The following MOB4 variants were observed in gnomAD, a reference collection of about 807,000 sequenced individuals.
The protein encoded by MOB4 is MOB family member 4, phocein, also known as MOB-like protein phocein.
A neutral mutation model predicts 32.2 loss-of-function variants in MOB4; 4 were observed. The ratio of observed to expected loss-of-function variants is 0.12; its 90% CI spans 0.06 to 0.28. The LOEUF (loss-of-function observed/expected upper bound fraction) is 0.28. Among genes scored for constraint, MOB4 ranks in the 10% least tolerant of loss-of-function variants. The pLI is 1.00. For missense variants in MOB4, 158 were observed against 271.2 expected, an observed-to-expected ratio of 0.58 and a Z score of 2.93; for synonymous variants, 88 against 88.1, an observed-to-expected ratio of 1.00 and a Z score of 0.01.
rs534749841 is a variant in MOB4, at chr2:197,547,636, G to A, written c.355-700G>A. On this transcript the variant is annotated intron_variant, in intron 5 of 7. Transcript: ENST00000323303. The stretch of plus-strand genomic sequence containing the variant: ...ACTTGAAAAATAACCTAATTACTGG[G>A]TAGAGTCTTTGAGCTACAGTCATTG... Among the ~76,000 whole-genome samples the A allele has an allele frequency of 1.8e-3, 276 of 152,268 alleles. 1 individual carries two copies. Among genetic ancestry groups the A allele is most frequent in the Non-Finnish European group, 3.4e-3 (228 of 68,018 alleles).
At chr2:197,542,999 A>C (rs1025827802) in intron 5 of MOB4, among the ~76,000 whole-genome samples, 1 of 147,218 alleles carries the variant, frequency 6.8e-6, no homozygotes, top group African/African-American at 2.4e-5. Flanking sequence ...CTGTAAACAC[A>C]AAATAAATAC....
chr2:197,534,491 TA>T (rs760055242), intron 2 of MOB4, among the ~76,000 whole-genome samples: 19 of 152,142 alleles, frequency 1.2e-4, no homozygotes, highest in Admixed American at 6.6e-5. Flanking sequence ...TTAGAGTGAT[TA>T]TATTCACAGG....
At chr2:197,538,096 A>C (rs2106125594) in intron 3 of MOB4, among the ~76,000 whole-genome samples, 1 of 151,076 alleles carries the variant, frequency 6.6e-6, no homozygotes, top group South Asian at 2.1e-4. Flanking sequence ...CATTACAAGC[A>C]TAATTCCTAA....
chr2:197,516,782 G>A, intron 1 of MOB4: 1 of 470,258 alleles, frequency 2.1e-6, no homozygotes, highest in Non-Finnish European at 4.4e-6. Context: ...TATGCGTGAA[G>A]CATAGTCAGA....
At chr2:197,534,628 C>T (rs1165642396) in intron 2 of MOB4, among the ~76,000 whole-genome samples, 7 of 152,060 alleles carry the variant, frequency 4.6e-5, no homozygotes, top group African/African-American at 1.2e-4. Context: ...CTGCAACCTC[C>T]GCCTCCCGGG....
At chr2:197,531,413 C>A (rs1389961576) in intron 2 of MOB4, among the ~76,000 whole-genome samples, 6 of 152,128 alleles carry the variant, frequency 3.9e-5, no homozygotes, top group Admixed American at 3.9e-4. Context: ...ACCATCACCA[C>A]CGTGTCCAGA....
At chr2:197,536,645 A>T (rs1351705028) in intron 3 of MOB4, among the ~76,000 whole-genome samples, 13 of 112,262 alleles carry the variant, frequency 1.2e-4, no homozygotes, top group Middle Eastern at 0.024. Context: ...TCTGTTGCCT[A>T]GGCTGGAGTG....
Position 197,553,380 on chromosome 2 carries a change from C to T in MOB4, c.*2734C>T, listed in dbSNP as rs1034377085. The T allele has an allele frequency of 6.6e-6, 1 of 152,144 alleles. No individual in the cohort carries two copies. Among genetic ancestry groups the T allele is most frequent in the African/African-American group, 2.4e-5 (1 of 41,380 alleles). 9.4% of individuals were successfully genotyped at this position (152,144 alleles called of 1,614,324 possible). A position where few individuals can be genotyped will look rare whatever the true frequency, so the allele number is the denominator to read the frequency against. ...GGTGAGCTGAGATCGTGCCATTGCA[C>T]TCCAGCCTGGGTAACGAGCAAAACT... On this transcript the variant is annotated 3_prime_UTR_variant, in exon 8 of 8. Coordinates refer to ENST00000323303, the MANE Select transcript of MOB4 (RefSeq NM_015387.5).
chr2:197,521,752 C>T (rs180761736), intron 1 of MOB4, among the ~76,000 whole-genome samples: 20 of 152,292 alleles, frequency 1.3e-4, no homozygotes, highest in East Asian at 1.9e-4. Context: ...GGCTCTGTTC[C>T]GCCCGGCTCA....
At chr2:197,536,807 A>G (rs1431863554) in intron 3 of MOB4, among the ~76,000 whole-genome samples, 1 of 151,722 alleles carries the variant, frequency 6.6e-6, no homozygotes, top group Non-Finnish European at 1.5e-5. Context: ...TATGTTGGCC[A>G]GGCTGGTCTC....
intron 1 of MOB4, among the ~76,000 whole-genome samples, chr2:197,520,994 G>T (rs1183541764): frequency 2.0e-5 from 3 of 151,816 alleles, no homozygotes; most frequent in Non-Finnish European, 4.4e-5. Context: ...AAATTTTTGT[G>T]GGTATATAGT....
At chr2:197,518,974 G>A (rs1377497363) in intron 1 of MOB4, among the ~76,000 whole-genome samples, 1 of 151,876 alleles carries the variant, frequency 6.6e-6, no homozygotes, top group Non-Finnish European at 1.5e-5. Flanking sequence ...TAGCCAGGAT[G>A]GTCTGGATCT....
At chr2:197,530,432 C>CT (rs755751763) in intron 2 of MOB4, among the ~76,000 whole-genome samples, 104 of 143,026 alleles carry the variant, frequency 7.3e-4, no homozygotes, top group Middle Eastern at 7.3e-3. Flanking sequence ...CCCTGGCTGA[C>CT]TTTTTTTTTT....
At chr2:197,531,053 ATTTTTT>A (rs1043158763) in intron 2 of MOB4, among the ~76,000 whole-genome samples, 1 of 139,680 alleles carries the variant, frequency 7.2e-6, no homozygotes, top group Non-Finnish European at 1.5e-5. Flanking sequence ...TTTTATTTTT[ATTTTTT>A]TTTTTTGAGG....
chr2:197,521,596 G>GT lies in MOB4; in HGVS notation c.61-2025dup, dbSNP rs576329928. Among the ~76,000 whole-genome samples the GT allele has an allele frequency of 5.0e-4, 76 of 152,238 alleles. 2 individuals are homozygous for GT. In the South Asian group the frequency reaches 8.3e-3, roughly 17 times the overall value. On this transcript the variant is annotated intron_variant, in intron 1 of 7. Coordinates refer to ENST00000323303, the MANE Select transcript of MOB4 (RefSeq NM_015387.5). ...GACTGGGGTTTATTTCACCCCTACA[G>GT]TTTCGACCATAGAAGACGGCCATAC...
chr2:197,528,980 T>TTG (rs543819622), intron 2 of MOB4, among the ~76,000 whole-genome samples: 2 of 151,220 alleles, frequency 1.3e-5, no homozygotes, highest in South Asian at 2.1e-4. Flanking sequence ...TTTTTTTTTT[T>TTG]AGACAGAGTC....
Position 197,516,236 on chromosome 2 carries a change from G to C in MOB4, c.60+90G>C, listed in dbSNP as rs573174928. On this transcript the variant is annotated intron_variant, in intron 1 of 7. Transcript: ENST00000323303. Reference sequence around the variant, plus strand: ...GCCGCCACTGCGGGGAGGTTGGGCCGAGGCGGCAGGCGGGCGGGCTGGGGC... The same window carrying C: ...GCCGCCACTGCGGGGAGGTTGGGCCCAGGCGGCAGGCGGGCGGGCTGGGGC... 1.9e-5 allele frequency: 29 copies of C among 1,520,802 alleles called. No homozygotes were observed. The African/African-American group carries it at 2.3e-4, about 12-fold the overall frequency. 94.2% of individuals were successfully genotyped at this position (1,520,802 alleles called of 1,614,324 possible).
At position 197,516,077 on chromosome 2, in the gene MOB4, C is replaced by T. The variant is rs755217543; in HGVS notation, c.-10C>T. ...CGGGTACCGACTCCAGCCGCCTAGA[C>T]GCTGGCACTATGGTCATGGCGGAGG... On this transcript the variant is annotated 5_prime_UTR_variant, in exon 1 of 8. In the 5' UTR this introduces an upstream ATG that the reference lacks. Coordinates refer to ENST00000323303, the MANE Select transcript of MOB4 (RefSeq NM_015387.5). The T allele has an allele frequency of 1.9e-6, 3 of 1,588,630 alleles. No homozygotes were observed. Among genetic ancestry groups the T allele is most frequent in the Admixed American group, 3.6e-5 (2 of 55,318 alleles).
At chr2:197,517,107 T>C (rs1574619667) in intron 1 of MOB4, among the ~76,000 whole-genome samples, 1 of 152,276 alleles carries the variant, frequency 6.6e-6, no homozygotes, top group East Asian at 1.9e-4. Context: ...TTATACAGAA[T>C]TATGGAAAGA....
Sources: allele counts gnomAD v4.1 joint callset (sites outside exome capture counted in the v4.1 genomes callset), GRCh38; gene constraint gnomAD v4.1.1; transcripts MANE v1.5; gene names NCBI Gene and HGNC (gene_info 2026-07-23, HGNC 2026-07-21).